NHEJ1: variants seen among roughly 807,000 people sequenced by gnomAD.
The protein encoded by NHEJ1 is non-homologous end-joining factor 1.
NHEJ1 carries 22 observed loss-of-function variants against 39.4 expected under a neutral mutation model. The observed-to-expected ratio is 0.56, with a 90% CI of 0.40 to 0.80. The LOEUF is 0.80. Among genes scored for constraint, NHEJ1 ranks in the 30% least tolerant of loss-of-function variants. The pLI is 0.00. For missense variants in NHEJ1, 329 were observed against 357.1 expected (o/e 0.92, Z 0.63); for synonymous variants, 154 against 135.6 (o/e 1.14, Z -0.94).
intron 5 of NHEJ1, among the ~76,000 whole-genome samples, chr2:219,139,456 C>T (rs557618668): frequency 1.9e-4 from 29 of 152,182 alleles, no homozygotes; most frequent in Non-Finnish European, 4.0e-4. Context: ...TATGGACAGG[C>T]CACATAGCAA....
At chr2:219,158,447 A>T in intron 1 of NHEJ1, 85 bp from the exon 2 acceptor site, 1 of 1,304,952 alleles carries the variant, frequency 7.7e-7, no homozygotes, top group Non-Finnish European at 1.1e-6. Flanking sequence ...TGTATCAACT[A>T]AAATCTCATG....
At chr2:219,139,930 T>C (rs1258453999) in intron 5 of NHEJ1, among the ~76,000 whole-genome samples, 2 of 152,222 alleles carry the variant, frequency 1.3e-5, no homozygotes, top group African/African-American at 2.4e-5. Flanking sequence ...CCATCTGCCT[T>C]GGCCTCCCAA....
At position 219,070,340 on chromosome 2, in the gene NHEJ1, C is replaced by T. The variant is rs980565740; in HGVS notation, c.*6041G>A. Reference sequence around the variant, plus strand: ...TAGACTAGCTGGGATTACAGGTGTGCGCCACCACATCCAGCTAATTTTTGT... The same window carrying T: ...TAGACTAGCTGGGATTACAGGTGTGTGCCACCACATCCAGCTAATTTTTGT... On this transcript the variant is annotated 3_prime_UTR_variant, in exon 8 of 8. Coordinates refer to ENST00000356853, the MANE Select transcript of NHEJ1 (RefSeq NM_024782.3). 3.9e-5 allele frequency among the ~76,000 whole-genome samples: 6 copies of T among 152,236 alleles called. No individual in the cohort carries two copies. The highest frequency in any genetic ancestry group is 2.1e-4 in the South Asian group (1 of 4,824).
chr2:219,124,321 G>A (rs1204328119), intron 5 of NHEJ1, among the ~76,000 whole-genome samples: 1 of 152,216 alleles, frequency 6.6e-6, no homozygotes, highest in Non-Finnish European at 1.5e-5. Flanking sequence ...TGAGTGGAAT[G>A]TAAGCTTTAA....
At chr2:219,151,336 T>C (rs1949793294) in intron 3 of NHEJ1, among the ~76,000 whole-genome samples, 1 of 152,190 alleles carries the variant, frequency 6.6e-6, no homozygotes, top group Non-Finnish European at 1.5e-5. Context: ...TCTGGATGGC[T>C]ACCTCAATAG....
intron 5 of NHEJ1, among the ~76,000 whole-genome samples, chr2:219,096,582 T>A (rs941715149): frequency 6.6e-6 from 1 of 152,160 alleles, no homozygotes; most frequent in African/African-American, 2.4e-5. Context: ...GGATTGGGAA[T>A]GTAGGGATGA....
rs58279021 is a variant in NHEJ1, at chr2:219,137,570, CAA to C, written c.588+9108_588+9109del. On this transcript the variant is annotated intron_variant, in intron 5 of 7. Coordinates refer to ENST00000356853, the MANE Select transcript of NHEJ1 (RefSeq NM_024782.3). ...AATGGAGAAATAAATGTGTTACAGG[CAA>C]AAAAAAAAAAAAAAAAAAAACAAAA... 2.9e-3 allele frequency among the ~76,000 whole-genome samples: 100 copies of C among 34,730 alleles called. 2 individuals are homozygous for C. The highest frequency in any genetic ancestry group is 7.1e-3 in the South Asian group (4 of 564). 22.8% of individuals were successfully genotyped at this position (34,730 alleles called of 152,430 possible).
At chr2:219,109,183 T>C (rs1199380908) in intron 5 of NHEJ1, among the ~76,000 whole-genome samples, 1 of 152,190 alleles carries the variant, frequency 6.6e-6, no homozygotes, top group Non-Finnish European at 1.5e-5. Context: ...CACATCTCAA[T>C]GCCAGTCTTT....
chr2:219,081,998 GT>G (rs1220372713), intron 5 of NHEJ1, among the ~76,000 whole-genome samples: 1 of 152,170 alleles, frequency 6.6e-6, no homozygotes, highest in Non-Finnish European at 1.5e-5. Context: ...ATTTCTTTTT[GT>G]TTCATAAAGT....
chr2:219,084,775 T>A (rs566381652), intron 5 of NHEJ1, among the ~76,000 whole-genome samples: 38 of 152,324 alleles, frequency 2.5e-4, no homozygotes, highest in African/African-American at 8.4e-4. Context: ...AAAGCTCTCC[T>A]TTACTCTCCA....
intron 5 of NHEJ1, among the ~76,000 whole-genome samples, chr2:219,136,967 A>G (rs1168230552): frequency 6.6e-6 from 1 of 151,994 alleles, no homozygotes; most frequent in Non-Finnish European, 1.5e-5. Flanking sequence ...ATTTTTTTAA[A>G]AAATTACTTT....
rs73072488 is a variant in NHEJ1, at chr2:219,107,241, A to G, written c.589-29035T>C. On this transcript the variant is annotated intron_variant, in intron 5 of 7. Coordinates refer to ENST00000356853, the MANE Select transcript of NHEJ1 (RefSeq NM_024782.3). ...GGGAAGATAACTGAACTGATCATTC[A>G]GGGAGGGCTTCCCAGCAGAAGTGAA... Among the ~76,000 whole-genome samples, 483 of 152,342 alleles carry G rather than the reference A, an allele frequency of 3.2e-3. 4 individuals are homozygous for G. Among genetic ancestry groups the G allele is most frequent in the African/African-American group, 0.01 (435 of 41,588 alleles).
chr2:219,082,802 C>T (rs1037573923), intron 5 of NHEJ1, among the ~76,000 whole-genome samples: 6 of 152,218 alleles, frequency 3.9e-5, no homozygotes, highest in Non-Finnish European at 8.8e-5. Context: ...AGTAAGAATT[C>T]CGCTCCTCCC....
intron 2 of NHEJ1, 127 bp downstream of exon 2, chr2:219,158,059 C>T (rs1949874593): frequency 1.2e-6 from 1 of 814,902 alleles, no homozygotes; most frequent in African/African-American, 1.7e-5. Context: ...GGCAGAAGTA[C>T]AGGTAGAAGT....
intron 5 of NHEJ1, among the ~76,000 whole-genome samples, chr2:219,110,043 G>C (rs1383956068): frequency 2.0e-5 from 3 of 152,108 alleles, no homozygotes; most frequent in Non-Finnish European, 2.9e-5. Flanking sequence ...TGAGCTTAAA[G>C]AGCCTACTTT....
In NHEJ1 at chr2:219,120,126, AT is replaced by A. The variant is rs1559195649; in HGVS notation, c.588+26553del. ...CTTAGATATATTATGCTGCTGTACC[AT>A]TCCTATGGTCTTCACTCTGGGCAAA... On this transcript the variant is annotated intron_variant, in intron 5 of 7. Transcript: ENST00000356853. Among the ~76,000 whole-genome samples the A allele has an allele frequency of 2.6e-5, 4 of 152,198 alleles. No homozygotes were observed. In the South Asian group the frequency reaches 6.2e-4, roughly 24 times the overall value.
At chr2:219,103,000 G>A (rs1215803598) in intron 5 of NHEJ1, among the ~76,000 whole-genome samples, 2 of 64,312 alleles carry the variant, frequency 3.1e-5, no homozygotes, top group Admixed American at 2.4e-4. Context: ...GCGAGACTCC[G>A]TCTCAAAAAA....
In NHEJ1 at chr2:219,076,430, G is replaced by A. The variant is rs760108955; in HGVS notation, c.851C>T (p.Pro284Leu). The A allele has an allele frequency of 2.5e-6, 4 of 1,613,920 alleles. No individual in the cohort carries two copies. In the South Asian group the frequency reaches 3.3e-5, roughly 13 times the overall value. ...CTTCCTCTTGACCTTTGACAGCTGA[G>A]GTCTCTGCAGAGGGCCTGAAGTACC... ...STGTSGPLQR[P>L]QLSKVKRKKP... The change falls in exon 8 of 8, where the codon CCT (proline) becomes CTT (leucine). Residue 284 changes from proline (P) to leucine (L), a missense_variant. Coordinates refer to ENST00000356853, the MANE Select transcript of NHEJ1 (RefSeq NM_024782.3).
At chr2:219,077,118 C>T in intron 7 of NHEJ1, 128 bp downstream of exon 7, 3 of 745,278 alleles carry the variant, frequency 4.0e-6, no homozygotes, top group Non-Finnish European at 7.3e-6. Context: ...CAATTTGGAG[C>T]CTGGTCACAA....
Sources: gnomAD v4.1 joint callset for allele counts (sites outside exome capture counted in the v4.1 genomes callset) on GRCh38, gnomAD v4.1.1 for gene constraint, MANE v1.5 for transcripts, NCBI Gene and HGNC (gene_info 2026-07-23, HGNC 2026-07-21) for gene names.